DCAF1: variants seen among roughly 807,000 people sequenced by gnomAD.
DCAF1 encodes DDB1 and CUL4 associated factor 1, also known as DDB1- and CUL4-associated factor 1.
In DCAF1, 15 loss-of-function variants were observed where a neutral mutation model predicts 128.0. The observed-to-expected ratio is 0.12, with a 90% CI of 0.08 to 0.18. DCAF1 has a LOEUF of 0.18. Ranked by LOEUF, DCAF1 falls within the 10% of genes least tolerant of loss-of-function variation. The pLI, the probability that DCAF1 is intolerant of heterozygous loss-of-function variation, is 1.00. For synonymous variants in DCAF1, 610 were observed against 603.0 expected (o/e 1.01, Z -0.17); for missense variants, 988 against 1,649.5 (o/e 0.60, Z 6.95).
Position 51,488,360 on chromosome 3 carries a change from T to C in DCAF1, c.-8-4524A>G, listed in dbSNP as rs151085650. 4.5e-3 allele frequency among the ~76,000 whole-genome samples: 688 copies of C among 152,188 alleles called. 4 individuals carry two copies. Among genetic ancestry groups the C allele is most frequent in the African/African-American group, 0.016 (661 of 41,532 alleles). On this transcript the variant is annotated intron_variant, in intron 2 of 24. Transcript: ENST00000684031. ...GACATAAAAATCCTCAACAAAATAC[T>C]AGCAAACAGAATCCAACAGCATATT...
intron 6 of DCAF1, among the ~76,000 whole-genome samples, chr3:51,458,624 C>A (rs1231981415): frequency 6.6e-6 from 1 of 152,144 alleles, no homozygotes; most frequent in Non-Finnish European, 1.5e-5. Context: ...CTTTTCAGCG[C>A]CACACCACAC....
At chr3:51,408,191 C>T (rs1698075371) in intron 23 of DCAF1, among the ~76,000 whole-genome samples, 1 of 152,146 alleles carries the variant, frequency 6.6e-6, no homozygotes, top group Non-Finnish European at 1.5e-5. Context: ...TACCTTTCAT[C>T]CTTTCCTCTT....
At chr3:51,448,818 C>T (rs907868929) in intron 6 of DCAF1, among the ~76,000 whole-genome samples, 19 of 151,978 alleles carry the variant, frequency 1.3e-4, no homozygotes, top group Admixed American at 1.2e-3. Context: ...ACACTATAAG[C>T]CATTGAACCT....
At chr3:51,446,606 G>A (rs1170774856) in intron 6 of DCAF1, among the ~76,000 whole-genome samples, 2 of 151,762 alleles carry the variant, frequency 1.3e-5, no homozygotes, top group African/African-American at 4.8e-5. Context: ...ACTCCAGCCT[G>A]GGTGACAAAG....
intron 9 of DCAF1, among the ~76,000 whole-genome samples, chr3:51,434,447 C>G (rs1037718181): frequency 6.6e-6 from 1 of 152,192 alleles, no homozygotes. Context: ...TTTACTATTA[C>G]ATATTTAGGT....
At position 51,407,683 on chromosome 3, in the gene DCAF1, G is replaced by C. The variant is rs559010531; in HGVS notation, c.4213-4288C>G. Among the ~76,000 whole-genome samples the C allele has an allele frequency of 2.6e-5, 4 of 152,236 alleles. No individual in the cohort carries two copies. In the East Asian group the frequency reaches 5.8e-4, roughly 22 times the overall value. On this transcript the variant is annotated intron_variant, in intron 23 of 24. Transcript: ENST00000684031. ...AAGTCAAATCAAAGATGAATGAACT[G>C]ATTTCTAAAAACACAGGCACCAGGT...
At chr3:51,405,167 A>G (rs782283152) in intron 23 of DCAF1, among the ~76,000 whole-genome samples, 1 of 152,242 alleles carries the variant, frequency 6.6e-6, no homozygotes, top group Non-Finnish European at 1.5e-5. Flanking sequence ...ACTTATATTT[A>G]AAATTTAAGA....
rs2108213379 is a variant in DCAF1 at position 51,471,122 on chromosome 3, T to C, written c.111-117A>G. The C allele has an allele frequency of 1.5e-5, 8 of 546,560 alleles. 1 individual carries two copies. In the South Asian group the frequency reaches 2.7e-4, roughly 18 times the overall value. 33.9% of individuals were successfully genotyped at this position (546,560 alleles called of 1,614,324 possible). On this transcript the variant is annotated intron_variant, in intron 3 of 24. Transcript: ENST00000684031. The stretch of plus-strand genomic sequence containing the variant: ...TAAAAGCAAAGTTAGAAAAAGACTA[T>C]TTCTTCTGATGTACATAGAAATCTA...
At chr3:51,464,292 T>C (rs1266228454) in intron 5 of DCAF1, among the ~76,000 whole-genome samples, 4 of 151,806 alleles carry the variant, frequency 2.6e-5, no homozygotes, top group Admixed American at 2.0e-4. Context: ...TTAATAAAAG[T>C]CTCCATTTGG....
rs531384404 is a variant in DCAF1, at chr3:51,404,985, T to C, written c.4213-1590A>G. On this transcript the variant is annotated intron_variant, in intron 23 of 24. Coordinates refer to ENST00000684031, the MANE Select transcript of DCAF1 (RefSeq NM_001387579.1). ...TGGGAAAGGAGAGCGGGGTCAAAAT[T>C]CAGGGGATATCATCCAAGTGCTTAC... is the stretch of plus-strand genomic sequence containing the variant. Among the ~76,000 whole-genome samples, 8 of 152,232 alleles carry C rather than the reference T, an allele frequency of 5.3e-5. No individual in the cohort carries two copies. The South Asian group carries it at 1.7e-3, about 32-fold the overall frequency.
intron 3 of DCAF1, among the ~76,000 whole-genome samples, chr3:51,475,413 A>G (rs2108285007): frequency 6.6e-6 from 1 of 152,100 alleles, no homozygotes; most frequent in Admixed American, 6.6e-5. Context: ...ACCAGCCTGG[A>G]CAATATAGTG....
intron 5 of DCAF1, among the ~76,000 whole-genome samples, chr3:51,464,280 T>C (rs549501986): frequency 9.2e-5 from 14 of 151,744 alleles, no homozygotes; most frequent in African/African-American, 3.4e-4. Context: ...CAATAATATG[T>C]ATTAATAAAA....
intron 3 of DCAF1, among the ~76,000 whole-genome samples, chr3:51,481,300 G>C (rs1553652752): frequency 6.6e-6 from 1 of 152,142 alleles, no homozygotes; most frequent in East Asian, 1.9e-4. Context: ...ATGAGAAAAA[G>C]GAATCTTTCA....
intron 6 of DCAF1, among the ~76,000 whole-genome samples, chr3:51,447,422 A>T (rs1380771228): frequency 6.6e-6 from 1 of 152,120 alleles, no homozygotes; most frequent in Non-Finnish European, 1.5e-5. Flanking sequence ...AAAATAAATA[A>T]ATAAATAAAT....
chr3:51,410,555 A>C (rs1320504720), intron 23 of DCAF1, among the ~76,000 whole-genome samples: 1 of 150,824 alleles, frequency 6.6e-6, no homozygotes, highest in Non-Finnish European at 1.5e-5. Flanking sequence ...ACTAAGTCCC[A>C]TTAGAGAAAA....
At chr3:51,497,837 G>T (rs1708395347) in intron 1 of DCAF1, among the ~76,000 whole-genome samples, 1 of 151,806 alleles carries the variant, frequency 6.6e-6, no homozygotes, top group South Asian at 2.1e-4. Flanking sequence ...AATGAGTTAT[G>T]ATGACACTCG....
intron 6 of DCAF1, among the ~76,000 whole-genome samples, chr3:51,448,663 T>C (rs1553640797): frequency 1.3e-5 from 2 of 152,238 alleles, no homozygotes; most frequent in African/African-American, 4.8e-5. Context: ...ACTAAGTACA[T>C]TCAAAATGTT....
chr3:51,431,423 G>A (rs1700367017), intron 10 of DCAF1, among the ~76,000 whole-genome samples: 1 of 149,396 alleles, frequency 6.7e-6, no homozygotes, highest in Admixed American at 6.7e-5. Flanking sequence ...AGGAGGCTGA[G>A]ACAGGAGAAT....
intron 2 of DCAF1, among the ~76,000 whole-genome samples, chr3:51,484,270 C>T (rs184690714): frequency 1.4e-4 from 22 of 151,966 alleles, no homozygotes; most frequent in African/African-American, 5.1e-4. Context: ...GTCAGGAGTT[C>T]GGGACCAGCC....
Sources: allele counts gnomAD v4.1 joint callset (sites outside exome capture counted in the v4.1 genomes callset), GRCh38; gene constraint gnomAD v4.1.1; transcripts MANE v1.5; gene names NCBI Gene and HGNC (gene_info 2026-07-23, HGNC 2026-07-21).